The following GALNTL6 variants were observed in gnomAD, a reference collection of about 807,000 sequenced individuals.
GALNTL6 encodes the protein polypeptide N-acetylgalactosaminyltransferase-like 6.
GALNTL6 carries 46 observed loss-of-function variants against 73.7 expected under a neutral mutation model. The observed-to-expected ratio is 0.62, with a 90% CI of 0.49 to 0.80. GALNTL6 has a LOEUF of 0.80. Among genes scored for constraint, GALNTL6 ranks in the 30% least tolerant of loss-of-function variants. GALNTL6 has a pLI of 0.00. For synonymous variants in GALNTL6, 259 were observed against 263.7 expected (o/e 0.98, Z 0.17); for missense variants, 604 against 755.0 (o/e 0.80, Z 2.34).
intron 2 of GALNTL6, among the ~76,000 whole-genome samples, chr4:172,207,026 C>G (rs1257400638): frequency 6.6e-6 from 1 of 150,972 alleles, no homozygotes; most frequent in Admixed American, 6.6e-5. Context: ...ACCATGTTAG[C>G]CAGGATGATC....
At chr4:172,780,563 T>C (rs1739319944) in intron 5 of GALNTL6, among the ~76,000 whole-genome samples, 1 of 152,218 alleles carries the variant, frequency 6.6e-6, no homozygotes, top group Non-Finnish European at 1.5e-5. Flanking sequence ...GCCTTGAAAC[T>C]TGTTGATTTG....
chr4:172,574,484 A>G (rs943484129), intron 5 of GALNTL6, among the ~76,000 whole-genome samples: 2 of 151,502 alleles, frequency 1.3e-5, no homozygotes, highest in Middle Eastern at 3.4e-3. Context: ...AACCAAAGCC[A>G]GAGTCAGAGA....
chr4:172,359,181 C>A (rs1742278018), intron 5 of GALNTL6, among the ~76,000 whole-genome samples: 1 of 152,178 alleles, frequency 6.6e-6, no homozygotes, highest in South Asian at 2.1e-4. Flanking sequence ...TACATATACA[C>A]TATGGAATAC....
intron 5 of GALNTL6, among the ~76,000 whole-genome samples, chr4:172,397,864 A>C (rs576408607): frequency 6.6e-6 from 1 of 152,254 alleles, no homozygotes; most frequent in South Asian, 2.1e-4. Context: ...GGCATCAGCA[A>C]CTGTGCCTGG....
At chr4:172,855,860 A>G (rs1560995138) in intron 7 of GALNTL6, among the ~76,000 whole-genome samples, 2 of 152,178 alleles carry the variant, frequency 1.3e-5, no homozygotes, top group South Asian at 2.1e-4. Context: ...TCTTCTTTAG[A>G]GAGGCCTGGA....
chr4:172,612,106 T>C (rs969909729), intron 5 of GALNTL6, among the ~76,000 whole-genome samples: 2 of 152,030 alleles, frequency 1.3e-5, no homozygotes, highest in African/African-American at 4.8e-5. Context: ...CCAGAATGTA[T>C]GTAAAATGCC....
intron 5 of GALNTL6, among the ~76,000 whole-genome samples, chr4:172,767,947 C>T (rs1738539665): frequency 1.3e-5 from 2 of 152,000 alleles, no homozygotes; most frequent in African/African-American, 4.8e-5. Context: ...GGATTACAGG[C>T]GTGAGCCACT....
At chr4:173,027,207 CT>C (rs1753269020) in intron 12 of GALNTL6, among the ~76,000 whole-genome samples, 1 of 152,150 alleles carries the variant, frequency 6.6e-6, no homozygotes, top group Non-Finnish European at 1.5e-5. Flanking sequence ...TGGTCTCGAA[CT>C]CCTGACCTCA....
chr4:172,946,886 A>G (rs1343055177), intron 9 of GALNTL6, among the ~76,000 whole-genome samples: 5 of 152,214 alleles, frequency 3.3e-5, no homozygotes, highest in African/African-American at 1.2e-4. Flanking sequence ...AGCAGCCAAC[A>G]TGGTTTGCCC....
At chr4:172,253,180 A>G (rs73870049) in intron 3 of GALNTL6, among the ~76,000 whole-genome samples, 3,490 of 152,116 alleles carry the variant, frequency 0.023, 120 homozygotes, top group African/African-American at 0.079. Context: ...TAAATTAAAA[A>G]TGGCAGTAAA....
At chr4:172,256,077 AAT>A (rs1326471638) in intron 3 of GALNTL6, among the ~76,000 whole-genome samples, 2 of 151,470 alleles carry the variant, frequency 1.3e-5, no homozygotes. Context: ...TTTATTTTAT[AAT>A]ATGTTATGCG....
At chr4:171,852,055 C>CA (rs924670826) in intron 2 of GALNTL6, among the ~76,000 whole-genome samples, 4 of 151,532 alleles carry the variant, frequency 2.6e-5, no homozygotes, top group African/African-American at 9.7e-5. Flanking sequence ...AGTGACCAGG[C>CA]AAAAAAATAG....
intron 2 of GALNTL6, among the ~76,000 whole-genome samples, chr4:171,861,180 G>A (rs991949976): frequency 6.6e-6 from 1 of 152,188 alleles, no homozygotes; most frequent in Non-Finnish European, 1.5e-5. Flanking sequence ...ACTGAAAGGC[G>A]CCCCAGATAG....
intron 5 of GALNTL6, among the ~76,000 whole-genome samples, chr4:172,410,951 G>A (rs1355859615): frequency 6.6e-6 from 1 of 152,078 alleles, no homozygotes; most frequent in African/African-American, 2.4e-5. Flanking sequence ...CTAAATAAAT[G>A]CAAGAGTAGC....
rs566850605 is a variant in GALNTL6 at position 171,866,457 on chromosome 4, G to A, written c.138+51739G>A. On this transcript the variant is annotated intron_variant, in intron 2 of 12. Transcript: ENST00000506823. ...ATTGACTTGGAATACAAAATGAAGG[G>A]GTAAAATTATCTCATAGGAAAGTTT... is the stretch of plus-strand genomic sequence containing the variant. Among the ~76,000 whole-genome samples, 18 of 151,946 alleles carry A rather than the reference G, an allele frequency of 1.2e-4. No individual in the cohort carries two copies. The East Asian group carries it at 3.5e-3, about 29-fold the overall frequency.
chr4:172,494,992 A>C (rs1734022219), intron 5 of GALNTL6, among the ~76,000 whole-genome samples: 1 of 152,016 alleles, frequency 6.6e-6, no homozygotes, highest in Admixed American at 6.6e-5. Flanking sequence ...ACCATCATAC[A>C]CCCTCACTGA....
intron 2 of GALNTL6, among the ~76,000 whole-genome samples, chr4:171,906,985 G>A (rs190288179): frequency 0.036 from 5,482 of 151,998 alleles, 301 homozygotes; most frequent in African/African-American, 0.12. Flanking sequence ...GGTATTGATG[G>A]GACGTATTTC....
At chr4:172,875,732 A>AACAC (rs59079970) in intron 7 of GALNTL6, among the ~76,000 whole-genome samples, 49,809 of 145,552 alleles carry the variant, frequency 0.34, 9,057 homozygotes, top group East Asian at 0.52. Flanking sequence ...CTCATACATA[A>AACAC]ACACACACAC....
intron 7 of GALNTL6, among the ~76,000 whole-genome samples, chr4:172,816,916 G>A (rs1320206617): frequency 6.6e-6 from 1 of 151,934 alleles, no homozygotes; most frequent in Non-Finnish European, 1.5e-5. Context: ...AGACCAGCCT[G>A]TTCAATACAG....
Sources: gnomAD v4.1 joint callset for allele counts (sites outside exome capture counted in the v4.1 genomes callset) on GRCh38, gnomAD v4.1.1 for gene constraint, MANE v1.5 for transcripts, NCBI Gene and HGNC (gene_info 2026-07-23, HGNC 2026-07-21) for gene names.